ANTXRL: variants seen among roughly 807,000 people sequenced by gnomAD.
ANTXRL encodes the protein anthrax toxin receptor-like.
In ANTXRL, 63 loss-of-function variants were observed where a neutral mutation model predicts 75.4. That is an observed-to-expected ratio of 0.84 (90% CI 0.68 to 1.03). The LOEUF is 1.03. Among genes scored for constraint, ANTXRL ranks in the 50% least tolerant of loss-of-function variants. ANTXRL has a pLI of 0.00. For synonymous variants in ANTXRL, 335 were observed against 291.3 expected, an observed-to-expected ratio of 1.15 and a Z score of -1.53; for missense variants, 797 against 789.4, an observed-to-expected ratio of 1.01 and a Z score of -0.12.
At chr10:46,295,250 T>C (rs61845178) in intron 3 of ANTXRL, among the ~76,000 whole-genome samples, 61,098 of 151,694 alleles carry the variant, frequency 0.4, 12,035 homozygotes, top group Non-Finnish European at 0.47. Flanking sequence ...GGGTCTGGGG[T>C]CATTGGGCTG....
rs1227720311 is a variant in ANTXRL, at chr10:46,297,256, G to A, written c.513G>A (p.Lys171=). ...CACTCTTTGCTTCTTCTACAGACAA[G>A]GTTCCCAGCATGATTATTGCTATGA... ...QQIESFNSGN[K]VPSMIIAMTD... Residue 171 remains lysine (K), a synonymous_variant, in exon 6 of 17, where the codon AAG becomes AAA. Coordinates refer to ENST00000620264, the MANE Select transcript of ANTXRL (RefSeq NM_001278688.3). The A allele has an allele frequency of 6.5e-7, 1 of 1,536,396 alleles. No individual in the cohort carries two copies. The highest frequency in any genetic ancestry group is 1.4e-5 in the African/African-American group (1 of 73,128).
In ANTXRL at chr10:46,293,920, C is replaced by T; in HGVS notation, c.392+20C>T. 6.5e-7 allele frequency: 1 copy of T among 1,534,814 alleles called. No individual in the cohort carries two copies. The highest frequency in any genetic ancestry group is 8.7e-7 in the Non-Finnish European group (1 of 1,145,964). ...AGACAAGTGAGTGCTGCTTTGAGCC[C>T]CAAAGGGAGGCCTGATGAGCTTGGC... On this transcript the variant is annotated intron_variant, in intron 3 of 16. Transcript: ENST00000620264.
At chr10:46,291,118 G>A (rs1275671695) in intron 1 of ANTXRL, among the ~76,000 whole-genome samples, 3 of 152,158 alleles carry the variant, frequency 2.0e-5, no homozygotes, top group Non-Finnish European at 2.9e-5. Context: ...ATGGTTTACA[G>A]AAGGGTCCAA....
At chr10:46,308,350 A>C (rs1164185985) in intron 12 of ANTXRL, 7 of 414,416 alleles carry the variant, frequency 1.7e-5, no homozygotes, top group Non-Finnish European at 2.9e-5. Flanking sequence ...GCTCAGCCTC[A>C]GTGGTTCCTC....
intron 15 of ANTXRL, 23 bp from the exon 16 acceptor site, chr10:46,313,213 C>T: frequency 2.0e-6 from 3 of 1,534,234 alleles, no homozygotes; most frequent in South Asian, 1.2e-5. Flanking sequence ...GCATGTCTTC[C>T]TCATGGCCAC....
chr10:46,324,001 C>G (rs1554966030), intron 16 of ANTXRL, among the ~76,000 whole-genome samples: 1 of 152,092 alleles, frequency 6.6e-6, no homozygotes, highest in African/African-American at 2.4e-5. Flanking sequence ...TTTGAATTCT[C>G]CCAGGTGAAA....
At chr10:46,320,075 C>G (rs1838909119) in intron 16 of ANTXRL, among the ~76,000 whole-genome samples, 1 of 152,158 alleles carries the variant, frequency 6.6e-6, no homozygotes, top group Non-Finnish European at 1.5e-5. Context: ...TTTGATATGG[C>G]TAACTCCTGC....
intron 12 of ANTXRL, among the ~76,000 whole-genome samples, 170 bp from the exon 13 acceptor site, chr10:46,308,943 G>T (rs1838261152): frequency 6.6e-6 from 1 of 152,150 alleles, no homozygotes; most frequent in Non-Finnish European, 1.5e-5. Flanking sequence ...AGCAGGGCCA[G>T]AGAAAGGGTC....
chr10:46,321,248 T>C (rs1484782252), intron 16 of ANTXRL, among the ~76,000 whole-genome samples: 1 of 152,156 alleles, frequency 6.6e-6, no homozygotes, highest in Admixed American at 6.5e-5. Context: ...GTCCCATGAA[T>C]TTTCCTGTAG....
At chr10:46,325,391 C>T (rs1321619961) in intron 16 of ANTXRL, among the ~76,000 whole-genome samples, 1 of 152,040 alleles carries the variant, frequency 6.6e-6, no homozygotes, top group African/African-American at 2.4e-5. Flanking sequence ...TGAGAAGGTC[C>T]CTTTGGTCTT....
At chr10:46,300,928 T>C (rs4074634) in intron 9 of ANTXRL, among the ~76,000 whole-genome samples, 64,275 of 151,544 alleles carry the variant, frequency 0.42, 13,727 homozygotes, top group African/African-American at 0.59. Context: ...CACAAACACA[T>C]CTCTATCCAC....
Position 46,306,815 on chromosome 10 carries a change from C to T in ANTXRL, c.908C>T (p.Thr303Ile), listed in dbSNP as rs201326948. The T allele has an allele frequency of 2.6e-6, 4 of 1,527,608 alleles. No homozygotes were observed. Among genetic ancestry groups the T allele is most frequent in the South Asian group, 2.4e-5 (2 of 82,640 alleles). The allele number at this position is 1,527,608 out of a possible 1,614,324, so 94.6% of individuals were successfully genotyped here. ...NESTIIDEKP[T>I]SIDNNSMNCP... ...CATTTTCTTTTAGATGAAAAGCCAA[C>T]CAGTATCGACAATAATTCCATGAAT... Residue 303 changes from threonine (T) to isoleucine (I), a missense_variant, in exon 11 of 17, where the codon ACC becomes ATC. Physicochemically the swap from Thr to Ile is moderately conservative, Grantham distance 89 (BLOSUM62 -1). Around this residue, in one of 3 missense-constraint regions of ANTXRL, gnomAD observed 479 missense variants for 422.0 expected, o/e 1.14. Coordinates refer to ENST00000620264, the MANE Select transcript of ANTXRL (RefSeq NM_001278688.3).
At chr10:46,329,085 G>A (rs1554966994) in intron 16 of ANTXRL, among the ~76,000 whole-genome samples, 1 of 152,186 alleles carries the variant, frequency 6.6e-6, no homozygotes, top group Admixed American at 6.5e-5. Context: ...CAAGATGAAA[G>A]CAAAGCAGCT....
At chr10:46,326,058 C>T (rs1839195369) in intron 16 of ANTXRL, among the ~76,000 whole-genome samples, 1 of 150,252 alleles carries the variant, frequency 6.7e-6, no homozygotes, top group Non-Finnish European at 1.5e-5. Flanking sequence ...GAAGGCCTGG[C>T]TGATCAGAAG....
chr10:46,305,134 C>T (rs4075138), intron 10 of ANTXRL, among the ~76,000 whole-genome samples: 26,892 of 151,946 alleles, frequency 0.18, 2,051 homozygotes, highest in East Asian at 0.26. Context: ...GGAGTGTTGG[C>T]CACCACTGAA....
At chr10:46,314,643 G>T (rs1554964342) in intron 16 of ANTXRL, among the ~76,000 whole-genome samples, 1 of 152,032 alleles carries the variant, frequency 6.6e-6, no homozygotes, top group African/African-American at 2.4e-5. Flanking sequence ...TAGGGGTGGG[G>T]TGGTGGGGGG....
intron 1 of ANTXRL, among the ~76,000 whole-genome samples, chr10:46,290,057 T>G (rs2132636640): frequency 6.7e-6 from 1 of 149,446 alleles, no homozygotes; most frequent in African/African-American, 2.5e-5. Flanking sequence ...TTTTTTTTTT[T>G]TTTTTTGAGT....
Position 46,297,870 on chromosome 10 carries a change from G to A in ANTXRL, c.694G>A (p.Val232Met). 1 of 1,535,962 alleles carries A rather than the reference G, an allele frequency of 6.5e-7. No homozygotes were observed. The highest frequency in any genetic ancestry group is 8.7e-7 in the Non-Finnish European group (1 of 1,146,758). ...AGACAGCCCTGGCCACGTGTTTGCA[G>A]TGGAGAATGGCTTCAAGGCCCTGAG... ...IADSPGHVFA[V>M]ENGFKALRST... is the part of the protein sequence containing the mutation. The change falls in exon 8 of 17, where the codon GTG (valine) becomes ATG (methionine). Residue 232 changes from valine to methionine, a missense_variant. Val to Met is a conservative substitution (Grantham distance 21). This residue lies in a region of ANTXRL where 56 missense variants were observed against 95.5 expected (regional missense o/e 0.59). Coordinates refer to ENST00000620264, the MANE Select transcript of ANTXRL (RefSeq NM_001278688.3).
At chr10:46,295,461 T>C (rs141286055) in intron 3 of ANTXRL, among the ~76,000 whole-genome samples, 2 of 112,694 alleles carry the variant, frequency 1.8e-5, no homozygotes, top group African/African-American at 7.7e-5. Context: ...GGTTAGGGTT[T>C]GGGTTAGAGT....
Sources: gnomAD v4.1 joint callset for allele counts (sites outside exome capture counted in the v4.1 genomes callset) on GRCh38, gnomAD v4.1.1 for gene constraint, gnomAD v4.1.1 regional missense constraint, MANE v1.5 for transcripts, NCBI Gene and HGNC (gene_info 2026-07-23, HGNC 2026-07-21) for gene names.